AKNAD1: variants seen among roughly 807,000 people sequenced by gnomAD.
The protein encoded by AKNAD1 is AKNA domain containing 1.
AKNAD1 carries 67 observed loss-of-function variants against 90.8 expected under a neutral mutation model. That is an observed-to-expected ratio of 0.74 (90% CI 0.61 to 0.90). The LOEUF (loss-of-function observed/expected upper bound fraction) is 0.90. Ranked by LOEUF, AKNAD1 falls within the 40% of genes least tolerant of loss-of-function variation. AKNAD1 has a pLI of 0.00. For synonymous variants in AKNAD1, 327 were observed against 341.4 expected, an observed-to-expected ratio of 0.96 and a Z score of 0.46; for missense variants, 957 against 975.4, an observed-to-expected ratio of 0.98 and a Z score of 0.25.
intron 10 of AKNAD1, 144 bp from the exon 11 acceptor site, chr1:108,827,446 TCTC>T: frequency 1.6e-6 from 1 of 623,528 alleles, no homozygotes; most frequent in Non-Finnish European, 2.8e-6. Context: ...TACACAGAGC[TCTC>T]CTCTGCCTGC....
intron 13 of AKNAD1, 129 bp downstream of exon 13, chr1:108,823,241 A>G: frequency 1.3e-6 from 1 of 779,012 alleles, no homozygotes; most frequent in Admixed American, 1.9e-5. Flanking sequence ...TGAGTGCACA[A>G]GACCTGGGCA....
At chr1:108,848,301 C>T (rs997698610) in intron 5 of AKNAD1, among the ~76,000 whole-genome samples, 3 of 152,172 alleles carry the variant, frequency 2.0e-5, no homozygotes, top group Admixed American at 1.3e-4. Context: ...AATGCAGCAA[C>T]TAGCAAGGAT....
At chr1:108,852,963 G>GAAA (rs537045146) in intron 1 of AKNAD1, among the ~76,000 whole-genome samples, 196 bp from the exon 2 acceptor site, 1 of 144,316 alleles carries the variant, frequency 6.9e-6, no homozygotes, top group Non-Finnish European at 1.5e-5. Context: ...AGGAATGGGG[G>GAAA]AAAAAAAAAA....
chr1:108,816,883 G>A, intron 15 of AKNAD1, 165 bp downstream of exon 15: 1 of 739,718 alleles, frequency 1.4e-6, no homozygotes, highest in Non-Finnish European at 2.1e-6. Context: ...CCTTGCGACT[G>A]CTGAGGCTGT....
chr1:108,820,590 A>T lies in AKNAD1; in HGVS notation c.2204T>A (p.Val735Glu), dbSNP rs755839043. The T allele has an allele frequency of 5.0e-6, 8 of 1,611,456 alleles. No individual in the cohort carries two copies. Among genetic ancestry groups the T allele is most frequent in the Non-Finnish European group, 6.8e-6 (8 of 1,178,192 alleles). Reference sequence around the variant, plus strand: ...TTCACCTTTAAAGGATTTTGAATTCACTCTCTGAGAACAGATCCGTTTGGG... The same window carrying T: ...TTCACCTTTAAAGGATTTTGAATTCTCTCTCTGAGAACAGATCCGTTTGGG... ...LKPKRICSQR[V>E]NSKSFKGEHE... Residue 735 changes from valine (V) to glutamate (E), a missense_variant, in exon 14 of 16, where the codon GTG (valine) becomes GAG (glutamate). Physicochemically the swap from Val to Glu is moderately radical, Grantham distance 121. Coordinates refer to ENST00000370001, the MANE Select transcript of AKNAD1 (RefSeq NM_152763.5).
At chr1:108,817,276 T>G in intron 14 of AKNAD1, 99 bp from the exon 15 acceptor site, 1 of 1,488,736 alleles carries the variant, frequency 6.7e-7, no homozygotes, top group South Asian at 1.3e-5. Flanking sequence ...CTGTGTGGTT[T>G]GGGTGTGGGT....
At chr1:108,826,854 C>T (rs575099058) in intron 11 of AKNAD1, among the ~76,000 whole-genome samples, 91 of 150,512 alleles carry the variant, frequency 6.0e-4, no homozygotes, top group Admixed American at 1.5e-3. Flanking sequence ...ATCTTCCCAC[C>T]TTAGTCTCCC....
In AKNAD1 at chr1:108,823,025, T is replaced by C. The variant is rs1570794428; in HGVS notation, c.2167+345A>G. ...CTTAGTAGGGATATATGTAAAGCATTAGCCACCTCTGAATAGTAACAATAA... is the reference window on the plus strand; with the variant it reads ...CTTAGTAGGGATATATGTAAAGCATCAGCCACCTCTGAATAGTAACAATAA... On this transcript the variant is annotated intron_variant, in intron 13 of 15. Transcript: ENST00000370001. The C allele has an allele frequency of 8.2e-5, 50 of 612,402 alleles. No individual in the cohort carries two copies. In the East Asian group the frequency reaches 1.3e-3, roughly 16 times the overall value. 37.9% of individuals were successfully genotyped at this position (612,402 alleles called of 1,614,324 possible). A position where few individuals can be genotyped will look rare whatever the true frequency, so the allele number is the denominator to read the frequency against.
intron 5 of AKNAD1, 94 bp from the exon 6 acceptor site, chr1:108,843,361 G>C: frequency 6.9e-7 from 1 of 1,458,592 alleles, no homozygotes; most frequent in Non-Finnish European, 9.2e-7. Context: ...CTACAGTAGT[G>C]TCAAAACAAA....
At chr1:108,851,043 C>T (rs755313000) in intron 2 of AKNAD1, among the ~76,000 whole-genome samples, 5 of 152,194 alleles carry the variant, frequency 3.3e-5, no homozygotes, top group Non-Finnish European at 5.9e-5. Context: ...AAGGGCATAA[C>T]GTACGTTAAG....
At chr1:108,829,744 G>C (rs1221620638) in intron 10 of AKNAD1, among the ~76,000 whole-genome samples, 1 of 152,154 alleles carries the variant, frequency 6.6e-6, no homozygotes, top group South Asian at 2.1e-4. Context: ...GCTTCTATTA[G>C]AATCCATTAC....
chr1:108,839,351 T>C (rs6690937), intron 6 of AKNAD1, among the ~76,000 whole-genome samples: 5,383 of 152,050 alleles, frequency 0.035, 297 homozygotes, highest in African/African-American at 0.12. Context: ...CGGATGCTTG[T>C]AGTCTCAGCT....
intron 6 of AKNAD1, among the ~76,000 whole-genome samples, chr1:108,838,224 A>T (rs1664440498): frequency 6.6e-6 from 1 of 152,176 alleles, no homozygotes; most frequent in Non-Finnish European, 1.5e-5. Flanking sequence ...TTTACCTCGT[A>T]ACAGTCCACA....
intron 3 of AKNAD1, 85 bp from the exon 4 acceptor site, chr1:108,849,145 A>G: frequency 8.5e-7 from 1 of 1,181,010 alleles, no homozygotes; most frequent in Non-Finnish European, 1.2e-6. Flanking sequence ...AAGCTGTTGC[A>G]GTCACCACCA....
intron 10 of AKNAD1, among the ~76,000 whole-genome samples, chr1:108,829,315 G>A (rs1047862414): frequency 2.7e-5 from 4 of 146,810 alleles, no homozygotes; most frequent in African/African-American, 9.8e-5. Context: ...ATTGGTCCCT[G>A]TCTTGGTACT....
At chr1:108,835,961 A>T (rs890476285) in intron 7 of AKNAD1, among the ~76,000 whole-genome samples, 3 of 152,186 alleles carry the variant, frequency 2.0e-5, no homozygotes, top group Non-Finnish European at 4.4e-5. Context: ...CAGAAATGTA[A>T]GCATCTTGAG....
chr1:108,821,066 G>A (rs1290086892), intron 13 of AKNAD1, among the ~76,000 whole-genome samples: 3 of 152,134 alleles, frequency 2.0e-5, no homozygotes, highest in African/African-American at 4.8e-5. Context: ...CAGCCTGGGC[G>A]ACAGAGCTAG....
In AKNAD1 at chr1:108,834,465, C is replaced by T. The variant is rs1163337306; in HGVS notation, c.1728G>A (p.Arg576=). The T allele has an allele frequency of 1.2e-6, 2 of 1,610,852 alleles. No individual in the cohort carries two copies. The highest frequency in any genetic ancestry group is 2.2e-5 in the East Asian group (1 of 44,870). ...AQNKPDQVAM[R]LSSNSGEDPN... ...ACATTACCCCAGAGTTAGAAGACAG[C>T]CTCATGGCCACTTGGTCTGGCTTGT... is the stretch of plus-strand genomic sequence containing the variant. Residue 576 remains arginine (R), a synonymous_variant, in exon 9 of 16, where the codon AGG becomes AGA. Transcript: ENST00000370001.
chr1:108,854,354 C>G (rs772207013), intron 1 of AKNAD1, among the ~76,000 whole-genome samples: 2 of 152,200 alleles, frequency 1.3e-5, no homozygotes, highest in African/African-American at 2.4e-5. Flanking sequence ...CTGGCAGCCT[C>G]CCTTGCCCAT....
Sources: allele counts gnomAD v4.1 joint callset (sites outside exome capture counted in the v4.1 genomes callset), GRCh38; gene constraint gnomAD v4.1.1; transcripts MANE v1.5; gene names NCBI Gene and HGNC (gene_info 2026-07-23, HGNC 2026-07-21).